Variants in DENND1A observed in about 807,000 individuals in gnomAD.
DENND1A encodes DENN domain containing 1A.
Under a neutral mutation model 113.7 loss-of-function variants are expected in DENND1A, and 51 were observed. The ratio of observed to expected loss-of-function variants is 0.45; its 90% CI spans 0.36 to 0.57. The LOEUF (loss-of-function observed/expected upper bound fraction) is 0.57, where lower values mean the gene tolerates loss of function less well. DENND1A is among the 20% of genes least tolerant of loss of function. The pLI is 0.00. For missense variants in DENND1A, 1,258 were observed against 1,395.9 expected (o/e 0.90, Z 1.57); for synonymous variants, 565 against 570.8 (o/e 0.99, Z 0.14).
At chr9:123,417,469 C>A (rs1483558480) in intron 19 of DENND1A, among the ~76,000 whole-genome samples, 1 of 152,198 alleles carries the variant, frequency 6.6e-6, no homozygotes, top group Non-Finnish European at 1.5e-5. Context: ...AGACAGGAAA[C>A]AGGAGGCCCA....
chr9:123,511,431 G>A (rs1438983259), intron 13 of DENND1A, among the ~76,000 whole-genome samples: 1 of 152,238 alleles, frequency 6.6e-6, no homozygotes, highest in Admixed American at 6.5e-5. Flanking sequence ...CTGTTGCACG[G>A]GACTAGACTG....
At chr9:123,468,212 T>C (rs548746983) in intron 13 of DENND1A, among the ~76,000 whole-genome samples, 1 of 152,232 alleles carries the variant, frequency 6.6e-6, no homozygotes, top group Non-Finnish European at 1.5e-5. Context: ...AGATCCTCAT[T>C]CTTGTCACAT....
intron 3 of DENND1A, among the ~76,000 whole-genome samples, chr9:123,785,943 C>T (rs1026572422): frequency 3.3e-5 from 5 of 152,266 alleles, no homozygotes; most frequent in African/African-American, 7.2e-5. Context: ...CCAGGCACTG[C>T]GGCTTACACC....
chr9:123,909,461 G>C (rs184228862), intron 1 of DENND1A, among the ~76,000 whole-genome samples: 1 of 151,606 alleles, frequency 6.6e-6, no homozygotes, highest in East Asian at 1.9e-4. Flanking sequence ...CTCAAGAGAT[G>C]CAGAAAAGGC....
chr9:123,911,666 A>G (rs182622449), intron 1 of DENND1A, among the ~76,000 whole-genome samples: 1 of 152,174 alleles, frequency 6.6e-6, no homozygotes, highest in East Asian at 1.9e-4. Context: ...AAATTGCTAC[A>G]GTGACAGAAA....
intron 9 of DENND1A, among the ~76,000 whole-genome samples, chr9:123,641,019 A>T (rs561030688): frequency 1.3e-5 from 2 of 152,364 alleles, no homozygotes; most frequent in African/African-American, 4.8e-5. Context: ...GTAGCAGAAA[A>T]GAACAAATGT....
chr9:123,442,654 G>T (rs770241947), intron 18 of DENND1A, among the ~76,000 whole-genome samples: 11 of 152,176 alleles, frequency 7.2e-5, no homozygotes, highest in Admixed American at 1.3e-4. Context: ...GGTATTAATA[G>T]AAAACTCTAA....
At chr9:123,706,403 G>C (rs932286501) in intron 5 of DENND1A, among the ~76,000 whole-genome samples, 1 of 151,776 alleles carries the variant, frequency 6.6e-6, no homozygotes, top group Non-Finnish European at 1.5e-5. Flanking sequence ...GCCCATTTTG[G>C]CCTCCCAGGA....
intron 21 of DENND1A, among the ~76,000 whole-genome samples, chr9:123,392,166 G>C (rs1250891976): frequency 2.0e-5 from 3 of 152,184 alleles, no homozygotes; most frequent in Non-Finnish European, 4.4e-5. Context: ...GCAGGGACGT[G>C]CTCCATGCTC....
chr9:123,442,146 C>T (rs2046975326), intron 18 of DENND1A, among the ~76,000 whole-genome samples: 1 of 152,174 alleles, frequency 6.6e-6, no homozygotes, highest in Non-Finnish European at 1.5e-5. Context: ...AATATTTGAC[C>T]TCACACATCC....
intron 5 of DENND1A, among the ~76,000 whole-genome samples, chr9:123,685,669 A>G (rs2064762874): frequency 6.6e-6 from 1 of 152,230 alleles, no homozygotes; most frequent in Admixed American, 6.5e-5. Context: ...AGGAAAGCAC[A>G]GAGGCACTTT....
intron 18 of DENND1A, among the ~76,000 whole-genome samples, chr9:123,449,799 T>C (rs1588588424): frequency 6.6e-6 from 1 of 152,182 alleles, no homozygotes; most frequent in South Asian, 2.1e-4. Context: ...GCTATGAGGA[T>C]GCAAAGGCAT....
chr9:123,553,408 C>G lies in DENND1A; in HGVS notation c.993+4162G>C, dbSNP rs959915761. ...TTGCCTTTTTAAAAGCCGCCCCCCC[C>G]CCGCTCCTCATCCCTCCGTGATTCT... On this transcript the variant is annotated intron_variant, in intron 13 of 23. Coordinates refer to ENST00000394215, the MANE Select transcript of DENND1A (RefSeq NM_001352964.2). Among the ~76,000 whole-genome samples, 149 of 151,868 alleles carry G rather than the reference C, an allele frequency of 9.8e-4. 1 individual carries two copies. Among genetic ancestry groups the G allele is most frequent in the African/African-American group, 3.3e-3 (135 of 41,456 alleles).
chr9:123,505,104 G>C (rs1249337522), intron 13 of DENND1A, among the ~76,000 whole-genome samples: 1 of 152,144 alleles, frequency 6.6e-6, no homozygotes, highest in African/African-American at 2.4e-5. Flanking sequence ...TGATAATTTG[G>C]CATCAATACC....
At chr9:123,776,442 GATA>G (rs1286601135) in intron 3 of DENND1A, among the ~76,000 whole-genome samples, 1 of 152,102 alleles carries the variant, frequency 6.6e-6, no homozygotes, top group Non-Finnish European at 1.5e-5. Flanking sequence ...ATTTATACAG[GATA>G]ATTTTTTAAA....
intron 11 of DENND1A, among the ~76,000 whole-genome samples, chr9:123,604,555 G>A (rs934651888): frequency 6.6e-6 from 1 of 152,158 alleles, no homozygotes; most frequent in African/African-American, 2.4e-5. Flanking sequence ...CCAGACACTG[G>A]GATATGCTGT....
intron 5 of DENND1A, among the ~76,000 whole-genome samples, chr9:123,712,842 G>C (rs945485924): frequency 2.6e-4 from 40 of 152,202 alleles, no homozygotes; most frequent in African/African-American, 9.2e-4. Flanking sequence ...ACAACATTCT[G>C]CCTTCGATAT....
At chr9:123,544,327 TA>T (rs1175711976) in intron 13 of DENND1A, among the ~76,000 whole-genome samples, 1 of 152,240 alleles carries the variant, frequency 6.6e-6, no homozygotes. Flanking sequence ...AGGAATGTTT[TA>T]AAAAAGATAT....
chr9:123,516,919 A>T (rs1479226892), intron 13 of DENND1A, among the ~76,000 whole-genome samples: 1 of 133,624 alleles, frequency 7.5e-6, no homozygotes, highest in Non-Finnish European at 1.6e-5. Context: ...AAAAAAAAAA[A>T]GAACGGACAA....
Sources: gnomAD v4.1 joint callset for allele counts (sites outside exome capture counted in the v4.1 genomes callset) on GRCh38, gnomAD v4.1.1 for gene constraint, MANE v1.5 for transcripts, NCBI Gene and HGNC (gene_info 2026-07-23, HGNC 2026-07-21) for gene names.